Variants in EXOC4 observed in about 807,000 individuals in gnomAD.
The protein encoded by EXOC4 is SEC8-like 1.
A neutral mutation model predicts 107.2 loss-of-function variants in EXOC4; 71 were observed. The ratio of observed to expected loss-of-function variants is 0.66; its 90% CI spans 0.55 to 0.81. The LOEUF (loss-of-function observed/expected upper bound fraction) is 0.81. EXOC4 is among the 30% of genes least tolerant of loss of function. EXOC4 has a pLI of 0.00. For missense variants in EXOC4, 1,108 were observed against 1,189.6 expected, an observed-to-expected ratio of 0.93 and a Z score of 1.01; for synonymous variants, 456 against 441.2, an observed-to-expected ratio of 1.03 and a Z score of -0.42.
intron 9 of EXOC4, among the ~76,000 whole-genome samples, chr7:133,530,957 T>C (rs1337516007): frequency 6.6e-6 from 1 of 152,120 alleles, no homozygotes; most frequent in Non-Finnish European, 1.5e-5. Context: ...ATCCTACTCT[T>C]TTTTTTCTAG....
intron 10 of EXOC4, among the ~76,000 whole-genome samples, chr7:133,734,241 T>C (rs966556353): frequency 3.9e-5 from 6 of 152,146 alleles, no homozygotes; most frequent in Non-Finnish European, 8.8e-5. Flanking sequence ...ACTCAAAAAC[T>C]CAAATTATTG....
chr7:133,907,806 A>T (rs561076310), intron 12 of EXOC4, among the ~76,000 whole-genome samples: 8 of 124,758 alleles, frequency 6.4e-5, no homozygotes, highest in East Asian at 2.5e-4. Context: ...GGAAAGAAAG[A>T]GAGAGAAGAA....
At chr7:133,466,845 G>A (rs1798741331) in intron 7 of EXOC4, among the ~76,000 whole-genome samples, 1 of 152,102 alleles carries the variant, frequency 6.6e-6, no homozygotes, top group African/African-American at 2.4e-5. Flanking sequence ...AAAAGTCAAT[G>A]TATTACCATA....
chr7:133,760,365 T>A (rs965431034), intron 10 of EXOC4, among the ~76,000 whole-genome samples: 1 of 152,164 alleles, frequency 6.6e-6, no homozygotes, highest in Non-Finnish European at 1.5e-5. Context: ...TAGGATGTGA[T>A]ATGGAAGGAT....
chr7:133,931,940 CTAAATTATGCATAATAGTTTTTCTG>C (rs1800185432), intron 13 of EXOC4, among the ~76,000 whole-genome samples: 2 of 152,294 alleles, frequency 1.3e-5, no homozygotes, highest in South Asian at 4.2e-4. Flanking sequence ...CTAGAAGAGG[CTAAATTATGCATAATAGTTTTTCTG>C]TGCTCAGCCT....
intron 13 of EXOC4, among the ~76,000 whole-genome samples, chr7:133,937,170 T>C (rs914155543): frequency 6.6e-6 from 1 of 152,136 alleles, no homozygotes; most frequent in Non-Finnish European, 1.5e-5. Context: ...CCCCTGTAAC[T>C]TGATTTTTCA....
intron 17 of EXOC4, among the ~76,000 whole-genome samples, chr7:134,027,656 C>A (rs368566758): frequency 3.1e-3 from 384 of 124,634 alleles, no homozygotes; most frequent in African/African-American, 3.4e-3. Flanking sequence ...GACTCCATCT[C>A]AAAAAAAAAA....
At chr7:133,721,090 C>CA (rs1305210097) in intron 10 of EXOC4, among the ~76,000 whole-genome samples, 2 of 152,138 alleles carry the variant, frequency 1.3e-5, no homozygotes, top group African/African-American at 4.8e-5. Context: ...TCAGAGAACT[C>CA]ATTCTTCCCA....
intron 11 of EXOC4, among the ~76,000 whole-genome samples, chr7:133,848,276 G>T (rs1798173734): frequency 6.6e-6 from 1 of 152,144 alleles, no homozygotes; most frequent in African/African-American, 2.4e-5. Context: ...AGAAGAGGAG[G>T]ATGCCCCCAG....
At chr7:133,748,376 T>C (rs1254770089) in intron 10 of EXOC4, among the ~76,000 whole-genome samples, 2 of 152,136 alleles carry the variant, frequency 1.3e-5, no homozygotes, top group African/African-American at 4.8e-5. Context: ...GAGTATGAGC[T>C]AGGCAGGTTT....
chr7:133,808,805 G>T (rs1797144306), intron 10 of EXOC4, among the ~76,000 whole-genome samples: 1 of 151,988 alleles, frequency 6.6e-6, no homozygotes, highest in South Asian at 2.1e-4. Context: ...TAGGGATTTT[G>T]AATATACTGT....
chr7:133,768,206 C>A (rs188939920), intron 10 of EXOC4: 3 of 151,702 alleles, frequency 2.0e-5, no homozygotes, highest in African/African-American at 7.3e-5. Flanking sequence ...ATGGGAAAGA[C>A]GGAACTAGGA....
At chr7:133,297,715 C>T (rs1241213935) in intron 3 of EXOC4, among the ~76,000 whole-genome samples, 4 of 152,080 alleles carry the variant, frequency 2.6e-5, no homozygotes, top group African/African-American at 7.2e-5. Context: ...GTATCATCGT[C>T]GTCATTTCCC....
intron 10 of EXOC4, among the ~76,000 whole-genome samples, chr7:133,743,138 A>G (rs899718633): frequency 1.7e-4 from 26 of 152,182 alleles, no homozygotes; most frequent in African/African-American, 6.0e-4. Flanking sequence ...AGGCTCTACT[A>G]GCTCAGTCAA....
chr7:133,265,956 C>T (rs1184364870), intron 1 of EXOC4, among the ~76,000 whole-genome samples: 1 of 152,168 alleles, frequency 6.6e-6, no homozygotes, highest in African/African-American at 2.4e-5. Context: ...TGACTGATAA[C>T]ATTTATCTTG....
At chr7:133,659,581 A>C (rs144292336) in intron 10 of EXOC4, among the ~76,000 whole-genome samples, 1 of 152,290 alleles carries the variant, frequency 6.6e-6, no homozygotes, top group Non-Finnish European at 1.5e-5. Context: ...CCTGCATCAA[A>C]ATCAGCAGGG....
At chr7:134,027,357 G>A (rs1158257782) in intron 17 of EXOC4, among the ~76,000 whole-genome samples, 1 of 152,062 alleles carries the variant, frequency 6.6e-6, no homozygotes, top group Non-Finnish European at 1.5e-5. Flanking sequence ...GAGGAAAAAA[G>A]CAGCAAAAAC....
At chr7:133,530,759 T>C (rs963056512) in intron 9 of EXOC4, among the ~76,000 whole-genome samples, 1 of 152,016 alleles carries the variant, frequency 6.6e-6, no homozygotes. Context: ...GTTTTGAGAG[T>C]AAAAAAAGGA....
At chr7:133,936,703 AGGCTAGAGTGCAGT>A (rs1264263094) in intron 13 of EXOC4, among the ~76,000 whole-genome samples, 2 of 152,268 alleles carry the variant, frequency 1.3e-5, no homozygotes, top group East Asian at 3.9e-4. Context: ...TCTGTTGCCC[AGGCTAGAGTGCAGT>A]GGCACGATCT....
Sources: gnomAD v4.1 joint callset for allele counts (sites outside exome capture counted in the v4.1 genomes callset) on GRCh38, gnomAD v4.1.1 for gene constraint, MANE v1.5 for transcripts, NCBI Gene and HGNC (gene_info 2026-07-23, HGNC 2026-07-21) for gene names.